Variants in HADHA observed in about 807,000 individuals in gnomAD.
The protein encoded by HADHA is trifunctional enzyme subunit alpha, mitochondrial.
HADHA carries 59 observed loss-of-function variants against 91.3 expected under a neutral mutation model. The ratio of observed to expected loss-of-function variants is 0.65; its 90% confidence interval spans 0.52 to 0.80. The LOEUF is 0.80. HADHA is among the 30% of genes least tolerant of loss of function. HADHA has a pLI of 0.00. For synonymous variants in HADHA, 320 were observed against 338.9 expected (o/e 0.94, Z 0.61); for missense variants, 800 against 927.6 (o/e 0.86, Z 1.79).
In HADHA at chr2:26,232,167, G is replaced by C; in HGVS notation, c.566C>G (p.Pro189Arg). 6.2e-7 allele frequency: 1 copy of C among 1,610,708 alleles called. No homozygotes were observed. The highest frequency in any genetic ancestry group is 8.5e-7 in the Non-Finnish European group (1 of 1,177,004). Residue 189 changes from proline to arginine, a missense_variant, in exon 6 of 20, where the codon CCC (proline) becomes CGC (arginine). Physicochemically the swap from Pro to Arg is moderately radical, Grantham distance 103. Coordinates refer to ENST00000380649, the MANE Select transcript of HADHA (RefSeq NM_000182.5). ...AGGGGATGTTAGACTCACCATTTTG[G>C]GCAGCCTTTGTGTGCCTCCTGCTCC... ...LPGAGGTQRL[P>R]KMVGVPAALD...
At chr2:26,244,445 CGAAAGGGAGA>C (rs1671023316) in intron 1 of HADHA, 75 bp downstream of exon 1, 15 of 1,376,550 alleles carry the variant, frequency 1.1e-5, no homozygotes, top group African/African-American at 1.4e-5. Context: ...CAGGCGGCAG[CGAAAGGGAGA>C]CGCGGCTCCG....
chr2:26,236,173 C>A (rs896273271), intron 4 of HADHA, among the ~76,000 whole-genome samples: 38 of 151,940 alleles, frequency 2.5e-4, no homozygotes, highest in African/African-American at 8.7e-4. Context: ...TTCCTTTTAC[C>A]TGTTTTGTAG....
chr2:26,198,759 A>C (rs1669750550), intron 13 of HADHA, among the ~76,000 whole-genome samples: 1 of 152,188 alleles, frequency 6.6e-6, no homozygotes, highest in African/African-American at 2.4e-5. Flanking sequence ...TAGTTAATCA[A>C]GAGTGGAGGG....
At chr2:26,211,144 T>C (rs1029551188) in intron 10 of HADHA, among the ~76,000 whole-genome samples, 1 of 152,192 alleles carries the variant, frequency 6.6e-6, no homozygotes, top group African/African-American at 2.4e-5. Flanking sequence ...GCATTACATA[T>C]ATAAAAAGCG....
At chr2:26,212,021 C>A (rs1013468627) in intron 10 of HADHA, 7 of 158,334 alleles carry the variant, frequency 4.4e-5, no homozygotes, top group Admixed American at 6.1e-5. Context: ...TCCTGCCCTT[C>A]GTAGAGACAA....
intron 6 of HADHA, 136 bp downstream of exon 6, chr2:26,232,024 A>C: frequency 1.4e-6 from 1 of 719,782 alleles, no homozygotes; most frequent in South Asian, 1.5e-5. Context: ...CCAGGAATAA[A>C]GTCTGTCACT....
chr2:26,201,411 C>A, intron 12 of HADHA, 91 bp from the exon 13 acceptor site: 1 of 861,000 alleles, frequency 1.2e-6, no homozygotes, highest in Non-Finnish European at 1.9e-6. Flanking sequence ...GTGTTTTTCA[C>A]CAACTCTGTG....
chr2:26,238,855 A>G, intron 3 of HADHA, 79 bp downstream of exon 3: 3 of 880,488 alleles, frequency 3.4e-6, no homozygotes, highest in Non-Finnish European at 5.9e-6. Flanking sequence ...ATTTGGGGAA[A>G]TATGGGATAC....
intron 3 of HADHA, among the ~76,000 whole-genome samples, chr2:26,237,808 A>G (rs1484936878): frequency 6.6e-6 from 1 of 152,076 alleles, no homozygotes; most frequent in Non-Finnish European, 1.5e-5. Context: ...TCTACCATTG[A>G]CATATATTAC....
At chr2:26,220,982 G>A (rs1451271287) in intron 7 of HADHA, among the ~76,000 whole-genome samples, 2 of 152,216 alleles carry the variant, frequency 1.3e-5, no homozygotes, top group East Asian at 1.9e-4. Context: ...TCCCATGTTA[G>A]TGAAATTTCT....
At chr2:26,230,046 C>T (rs1440543893) in intron 7 of HADHA, 146 bp downstream of exon 7, 2 of 650,406 alleles carry the variant, frequency 3.1e-6, no homozygotes, top group Non-Finnish European at 5.8e-6. Context: ...TGGTCTCAAA[C>T]TCCTGACCTC....
chr2:26,193,422 C>G (rs1245172834), intron 17 of HADHA, among the ~76,000 whole-genome samples, 155 bp downstream of exon 17: 1 of 151,924 alleles, frequency 6.6e-6, no homozygotes, highest in Middle Eastern at 3.4e-3. Context: ...TGCTACCGCA[C>G]CTGACTCATA....
intron 1 of HADHA, among the ~76,000 whole-genome samples, chr2:26,239,866 T>C (rs1000311962): frequency 7.9e-5 from 12 of 152,152 alleles, no homozygotes; most frequent in Admixed American, 7.9e-4. Context: ...AACCATCAGG[T>C]TTATTTACTA....
intron 7 of HADHA, among the ~76,000 whole-genome samples, chr2:26,219,790 G>A (rs975368647): frequency 5.9e-5 from 9 of 152,192 alleles, no homozygotes; most frequent in Non-Finnish European, 8.8e-5. Flanking sequence ...TTGGGTGGTT[G>A]ATCATGGTGT....
chr2:26,195,410 A>G (rs1432568237), intron 14 of HADHA, among the ~76,000 whole-genome samples, 178 bp from the exon 15 acceptor site: 1 of 152,082 alleles, frequency 6.6e-6, no homozygotes, highest in East Asian at 1.9e-4. Context: ...ATGTTTAGGG[A>G]GAGCACATTG....
chr2:26,216,763 G>T (rs1364655786), intron 7 of HADHA, among the ~76,000 whole-genome samples: 1 of 152,186 alleles, frequency 6.6e-6, no homozygotes, highest in Non-Finnish European at 1.5e-5. Flanking sequence ...AATCTGTGAC[G>T]TGAAATGCTG....
Position 26,191,230 on chromosome 2 carries a change from G to A in HADHA, c.*20C>T. ...GGCAGCTGGGGTTAGTGCACTGACT[G>A]AGCGAGGCATGAGGCCTGCTCACTG... On this transcript the variant is annotated 3_prime_UTR_variant, in exon 20 of 20. Transcript: ENST00000380649. 1 of 1,611,276 alleles carries A rather than the reference G, an allele frequency of 6.2e-7. No homozygotes were observed. The highest frequency in any genetic ancestry group is 8.5e-7 in the Non-Finnish European group (1 of 1,179,082).
intron 11 of HADHA, among the ~76,000 whole-genome samples, chr2:26,208,471 A>G (rs961193142): frequency 6.6e-6 from 1 of 152,214 alleles, no homozygotes. Flanking sequence ...TTTTAATTTA[A>G]GAGTACCCTC....
intron 7 of HADHA, among the ~76,000 whole-genome samples, chr2:26,224,580 G>A (rs1670445712): frequency 6.6e-6 from 1 of 152,210 alleles, no homozygotes; most frequent in African/African-American, 2.4e-5. Context: ...GAATATGAGA[G>A]AAGAGTGAAT....
Sources: allele counts gnomAD v4.1 joint callset (sites outside exome capture counted in the v4.1 genomes callset), GRCh38; gene constraint gnomAD v4.1.1; transcripts MANE v1.5; gene names NCBI Gene and HGNC (gene_info 2026-07-23, HGNC 2026-07-21).